Variants in PLG observed in about 807,000 individuals in gnomAD.
PLG encodes plasmin.
In PLG, 41 loss-of-function variants were observed where a neutral mutation model predicts 104.4. The ratio of observed to expected loss-of-function variants is 0.39; its 90% confidence interval spans 0.31 to 0.51. PLG has a LOEUF of 0.51. Ranked by LOEUF, PLG falls within the 20% of genes least tolerant of loss-of-function variation. The pLI, the probability that PLG is intolerant of heterozygous loss-of-function variation, is 0.76. For missense variants in PLG, 891 were observed against 1,003.6 expected (o/e 0.89, Z 1.52); for synonymous variants, 337 against 357.1 (o/e 0.94, Z 0.63).
In PLG at chr6:160,719,349, G is replaced by A. The variant is rs1402256658; in HGVS notation, c.1096+511G>A. 1.3e-5 allele frequency among the ~76,000 whole-genome samples: 2 copies of A among 152,046 alleles called. No individual in the cohort carries two copies. On this transcript the variant is annotated intron_variant, in intron 9 of 18. Transcript: ENST00000308192. The surrounding 1 kb of genome is among the most constrained non-coding windows in gnomAD (Gnocchi z 4.1). ...ATGTAATGTTTCTTCTTATCTCTGG[G>A]AATATTTCTTCTTCTGAAGTTCTGA...
In PLG at chr6:160,725,151, G is replaced by T. The variant is rs1223899260; in HGVS notation, c.1256+2584G>T. Among the ~76,000 whole-genome samples, 1 of 152,096 alleles carries T rather than the reference G, an allele frequency of 6.6e-6. No individual in the cohort carries two copies. Among genetic ancestry groups the T allele is most frequent in the Non-Finnish European group, 1.5e-5 (1 of 68,022 alleles). ...AATCACTTGAACCCAGGAGGTGGAGGTTGCAGTGAGCTGAGATCGTGCCAT... is the reference window on the plus strand; with the variant it reads ...AATCACTTGAACCCAGGAGGTGGAGTTTGCAGTGAGCTGAGATCGTGCCAT... On this transcript the variant is annotated intron_variant, in intron 10 of 18. Transcript: ENST00000308192. The surrounding 1 kb of genome is among the most constrained non-coding windows in gnomAD (Gnocchi z 6.3).
chr6:160,727,730 T>C (rs73784943), intron 10 of PLG, among the ~76,000 whole-genome samples: 13,118 of 152,006 alleles, frequency 0.086, 1,491 homozygotes, highest in Middle Eastern at 0.28. Context: ...ATTTAACACT[T>C]ATCCATGATA....
chr6:160,711,077 T>C lies in PLG; in HGVS notation c.293T>C (p.Val98Ala), dbSNP rs777253416. ...GACCACTGTGTGGACTTCCCTTCAG[T>C]GTATCTCTCAGAGTGCAAGACTGGG... Reference protein sequence around the residue: ...MRDVVLFEKKVYLSECKTGNG... With the variant: ...MRDVVLFEKKAYLSECKTGNG... The change falls in exon 4 of 19, where the codon GTG becomes GCG. Residue 98 changes from valine (V) to alanine (A), a missense_variant and splice_region_variant. Physicochemically the swap from Val to Ala is moderately conservative, Grantham distance 64. Transcript: ENST00000308192. 6.8e-6 allele frequency: 11 copies of C among 1,613,262 alleles called. No individual in the cohort carries two copies. The highest frequency in any genetic ancestry group is 9.3e-6 in the Non-Finnish European group (11 of 1,179,252).
At chr6:160,751,284 G>C (rs1200363166) in intron 17 of PLG, among the ~76,000 whole-genome samples, 1 of 152,184 alleles carries the variant, frequency 6.6e-6, no homozygotes, top group Admixed American at 6.5e-5. Flanking sequence ...AACACGCATG[G>C]GGAGGAAGCA....
chr6:160,716,446 C>CA (rs540010452), intron 6 of PLG, among the ~76,000 whole-genome samples, 199 bp from the exon 7 acceptor site: 20 of 151,690 alleles, frequency 1.3e-4, no homozygotes, highest in African/African-American at 2.9e-4. Flanking sequence ...TAAAAACAAA[C>CA]AAAAAAAAGA....
At position 160,726,801 on chromosome 6, in the gene PLG, T is replaced by C. The variant is rs1777928709; in HGVS notation, c.1256+4234T>C. ...AATGAAAGCTCTTTAGGGTCCCCAA[T>C]ACTTTTTAAGAGTTAAAGGGGTCTT... is the stretch of plus-strand genomic sequence containing the variant. On this transcript the variant is annotated intron_variant, in intron 10 of 18. Transcript: ENST00000308192. This position sits in a 1 kb window ranked among gnomAD's most constrained non-coding sequence, Gnocchi z 4.4. 6.6e-6 allele frequency among the ~76,000 whole-genome samples: 1 copy of C among 151,982 alleles called. No individual in the cohort carries two copies. The highest frequency in any genetic ancestry group is 2.1e-4 in the South Asian group (1 of 4,832).
chr6:160,730,848 G>GA (rs1393948091), intron 10 of PLG: 2 of 535,280 alleles, frequency 3.7e-6, no homozygotes, highest in African/African-American at 1.9e-5. Context: ...ATTTTTTAAA[G>GA]AAAAATTAAA....
chr6:160,711,844 A>G, intron 4 of PLG: 6 of 1,420,614 alleles, frequency 4.2e-6, no homozygotes, highest in Non-Finnish European at 3.7e-6. Flanking sequence ...GGAGCAAAAG[A>G]GTAAATAAGA....
chr6:160,746,633 C>T (rs576167530), intron 17 of PLG, among the ~76,000 whole-genome samples: 4 of 152,344 alleles, frequency 2.6e-5, no homozygotes, highest in Admixed American at 1.3e-4. Flanking sequence ...CCAGTTCTAT[C>T]ATTTCAGCCA....
At chr6:160,713,329 C>T (rs766331130) in intron 5 of PLG, 19 of 531,984 alleles carry the variant, frequency 3.6e-5, no homozygotes, top group Admixed American at 8.4e-5. Context: ...AGAGTGCAAC[C>T]GTGCAATCTC....
intron 1 of PLG, among the ~76,000 whole-genome samples, chr6:160,705,143 C>A (rs1562370171): frequency 6.6e-6 from 1 of 152,150 alleles, no homozygotes. Flanking sequence ...TGGAGCTTGC[C>A]TGTCTTCATT....
chr6:160,703,720 G>T (rs1391399046), intron 1 of PLG, among the ~76,000 whole-genome samples: 16 of 152,090 alleles, frequency 1.1e-4, no homozygotes, highest in Non-Finnish European at 2.4e-4. Context: ...TATGTTGGGG[G>T]GTATGAATAT....
At position 160,737,516 on chromosome 6, in the gene PLG, G is replaced by A. The variant is rs546502084; in HGVS notation, c.1802+509G>A. On this transcript the variant is annotated intron_variant, in intron 14 of 18. Coordinates refer to ENST00000308192, the MANE Select transcript of PLG (RefSeq NM_000301.5). The surrounding 1 kb of genome is among the most constrained non-coding windows in gnomAD (Gnocchi z 4.7). ...CCATTCGCAAACAAAAAAATTCTAG[G>A]TCATGATCCCCATAAATGAAGAGTG... Among the ~76,000 whole-genome samples, 28 of 152,294 alleles carry A rather than the reference G, an allele frequency of 1.8e-4. No individual in the cohort carries two copies. The highest frequency in any genetic ancestry group is 6.3e-4 in the African/African-American group (26 of 41,572).
At position 160,735,784 on chromosome 6, in the gene PLG, T is replaced by C. The variant is rs184289327; in HGVS notation, c.1682-1103T>C. Among the ~76,000 whole-genome samples the C allele has an allele frequency of 6.6e-6, 1 of 152,350 alleles. No individual in the cohort carries two copies. The highest frequency in any genetic ancestry group is 1.5e-5 in the Non-Finnish European group (1 of 68,028). ...AGTAGGAGCAGGGTACCATCATTTCTGTAGTTACTCTTTTAGTACAACGAT... is the reference window on the plus strand; with the variant it reads ...AGTAGGAGCAGGGTACCATCATTTCCGTAGTTACTCTTTTAGTACAACGAT... On this transcript the variant is annotated intron_variant, in intron 13 of 18. Transcript: ENST00000308192. The surrounding 1 kb of genome is among the most constrained non-coding windows in gnomAD (Gnocchi z 5.4).
chr6:160,730,160 C>G (rs1022245278), intron 10 of PLG, among the ~76,000 whole-genome samples: 1 of 152,222 alleles, frequency 6.6e-6, no homozygotes, highest in African/African-American at 2.4e-5. Flanking sequence ...AAGATCCCCC[C>G]CAGCCCGGGG....
chr6:160,708,959 G>T, intron 3 of PLG, among the ~76,000 whole-genome samples: 1 of 143,410 alleles, frequency 7.0e-6, no homozygotes, highest in African/African-American at 2.6e-5. Flanking sequence ...TCACCTAATT[G>T]TACCAGATTT....
At position 160,748,356 on chromosome 6, in the gene PLG, G is replaced by GAAAGAA. The variant is rs1426032546; in HGVS notation, c.2126-3757_2126-3752dup. 7.2e-4 allele frequency among the ~76,000 whole-genome samples: 21 copies of GAAAGAA among 29,234 alleles called. 1 individual carries two copies. The highest frequency in any genetic ancestry group is 2.2e-3 in the African/African-American group (19 of 8,640). The allele number at this position is 29,234 out of a possible 152,430, so 19.2% of individuals were successfully genotyped here. A position where few individuals can be genotyped will look rare whatever the true frequency, so the allele number is the denominator to read the frequency against. ...AAAGAAGGAAGAAAAGAAAGAGAAA[G>GAAAGAA]AAAGAAAGAAAGAAAGAAAGAAAGA... is the stretch of plus-strand genomic sequence containing the variant. On this transcript the variant is annotated intron_variant, in intron 17 of 18. Coordinates refer to ENST00000308192, the MANE Select transcript of PLG (RefSeq NM_000301.5).
At position 160,723,697 on chromosome 6, in the gene PLG, G is replaced by A. The variant is rs1853025; in HGVS notation, c.1256+1130G>A. Among the ~76,000 whole-genome samples, 13,136 of 152,184 alleles carry A rather than the reference G, an allele frequency of 0.086. 1,493 individuals carry two copies. The highest frequency in any genetic ancestry group is 0.28 in the Middle Eastern group (81 of 294). ...AGAAAGCTGCATATGCACAGGGAGAGGTTCCAGAGAGAAAATAGGATAAAG... is the reference window on the plus strand; with the variant it reads ...AGAAAGCTGCATATGCACAGGGAGAAGTTCCAGAGAGAAAATAGGATAAAG... On this transcript the variant is annotated intron_variant, in intron 10 of 18. Coordinates refer to ENST00000308192, the MANE Select transcript of PLG (RefSeq NM_000301.5). The surrounding 1 kb of genome is among the most constrained non-coding windows in gnomAD (Gnocchi z 4.7).
intron 4 of PLG, chr6:160,711,718 A>C: frequency 6.2e-7 from 1 of 1,608,594 alleles, no homozygotes; most frequent in Non-Finnish European, 8.5e-7. Context: ...TTTAAAAAAA[A>C]TCAATGAAAC....
Sources: allele counts gnomAD v4.1 joint callset (sites outside exome capture counted in the v4.1 genomes callset), GRCh38; gene constraint gnomAD v4.1.1; non-coding constraint Gnocchi (gnomAD v3.1); transcripts MANE v1.5; gene names NCBI Gene and HGNC (gene_info 2026-07-23, HGNC 2026-07-21).